Variants in CDK17 observed in about 807,000 individuals in gnomAD.
CDK17 encodes cyclin dependent kinase 17.
Under a neutral mutation model 77.6 loss-of-function variants are expected in CDK17, and 24 were observed. That is an observed-to-expected ratio of 0.31 (90% confidence interval 0.22 to 0.44). The LOEUF (loss-of-function observed/expected upper bound fraction) is 0.44. Among genes scored for constraint, CDK17 ranks in the 20% least tolerant of loss-of-function variants. CDK17 has a pLI of 1.00. For synonymous variants in CDK17, 203 were observed against 210.4 expected, an observed-to-expected ratio of 0.96 and a Z score of 0.30; for missense variants, 429 against 622.5, an observed-to-expected ratio of 0.69 and a Z score of 3.31.
In CDK17 at chr12:96,295,032, T is replaced by G. The variant is rs376874963; in HGVS notation, c.964A>C (p.Asn322His). ...RDLKPQNLLI[N>H]EKGELKLADF... Reference sequence around the variant, plus strand: ...GCTAGCTTTAATTCTCCTTTCTCATTAATGAGGAGGTTCTGTGGTTTCAAG... The same window carrying G: ...GCTAGCTTTAATTCTCCTTTCTCATGAATGAGGAGGTTCTGTGGTTTCAAG... The change falls in exon 10 of 17, where the codon AAT becomes CAT. Residue 322 changes from asparagine (N) to histidine (H), a missense_variant. Transcript: ENST00000261211. The G allele has an allele frequency of 6.2e-7, 1 of 1,612,622 alleles. No homozygotes were observed. The highest frequency in any genetic ancestry group is 8.5e-7 in the Non-Finnish European group (1 of 1,179,190).
chr12:96,345,559 G>T (rs1433457725), intron 1 of CDK17, among the ~76,000 whole-genome samples: 1 of 152,064 alleles, frequency 6.6e-6, no homozygotes, highest in Non-Finnish European at 1.5e-5. Context: ...ATTTTGATTT[G>T]CATTTATCTT....
chr12:96,313,597 A>T (rs906363335), intron 3 of CDK17, 143 bp from the exon 4 acceptor site: 5 of 437,328 alleles, frequency 1.1e-5, no homozygotes, highest in African/African-American at 1.0e-4. Context: ...ACAGGTATGC[A>T]GTTAATAGAT....
chr12:96,311,246 T>A, intron 4 of CDK17, 69 bp from the exon 5 acceptor site: 2 of 1,262,434 alleles, frequency 1.6e-6, no homozygotes, highest in Non-Finnish European at 2.1e-6. Flanking sequence ...TCACAGGCTC[T>A]AACATATTAT....
At chr12:96,283,570 C>T in intron 14 of CDK17, 33 bp downstream of exon 14, 1 of 1,382,260 alleles carries the variant, frequency 7.2e-7, no homozygotes, top group Non-Finnish European at 1.0e-6. Context: ...GGCTTAACAA[C>T]CTATTTAACA....
At chr12:96,364,308 T>C (rs1045858739) in intron 1 of CDK17, among the ~76,000 whole-genome samples, 15 of 152,190 alleles carry the variant, frequency 9.9e-5, no homozygotes, top group African/African-American at 3.6e-4. Flanking sequence ...ATGGCAGATG[T>C]ATGTTTAACT....
In CDK17 at chr12:96,337,772, A is replaced by T. The variant is rs1592737231; in HGVS notation, c.-29-2907T>A. Among the ~76,000 whole-genome samples, 4 of 152,080 alleles carry T rather than the reference A, an allele frequency of 2.6e-5. No homozygotes were observed. The East Asian group carries it at 7.7e-4, about 29-fold the overall frequency. ...CTCATCTACCCTTTGTTTCTGTAAGACTTTACACTACTTTACACTAGAGAC... is the reference window on the plus strand; with the variant it reads ...CTCATCTACCCTTTGTTTCTGTAAGTCTTTACACTACTTTACACTAGAGAC... On this transcript the variant is annotated intron_variant, in intron 1 of 16. Transcript: ENST00000261211.
At chr12:96,347,364 A>G (rs533961343) in intron 1 of CDK17, among the ~76,000 whole-genome samples, 3 of 151,456 alleles carry the variant, frequency 2.0e-5, no homozygotes, top group Admixed American at 6.6e-5. Flanking sequence ...AGGAGTTTCA[A>G]ACCAGCCTGG....
chr12:96,334,315 T>C (rs1592734889), intron 2 of CDK17, among the ~76,000 whole-genome samples: 1 of 152,356 alleles, frequency 6.6e-6, no homozygotes, highest in East Asian at 1.9e-4. Context: ...TGAAACATTA[T>C]GAAACTGATG....
At chr12:96,327,654 C>T (rs1011603556) in intron 2 of CDK17, among the ~76,000 whole-genome samples, 1 of 151,814 alleles carries the variant, frequency 6.6e-6, no homozygotes, top group African/African-American at 2.4e-5. Context: ...CTCATGTGGT[C>T]CTCCCACTTC....
chr12:96,381,928 G>C (rs7135170), intron 1 of CDK17, among the ~76,000 whole-genome samples: 1 of 151,938 alleles, frequency 6.6e-6, no homozygotes, highest in Non-Finnish European at 1.5e-5. Context: ...TCAAAGAAAT[G>C]CAAATATAAT....
chr12:96,299,695 A>G (rs1308218962), intron 6 of CDK17, among the ~76,000 whole-genome samples: 1 of 152,174 alleles, frequency 6.6e-6, no homozygotes, highest in South Asian at 2.1e-4. Context: ...GGCAATCATA[A>G]AAATTTTACC....
chr12:96,299,579 C>T (rs965161479), intron 6 of CDK17, among the ~76,000 whole-genome samples: 8 of 151,962 alleles, frequency 5.3e-5, no homozygotes, highest in Non-Finnish European at 7.4e-5. Context: ...TCAGTACAGA[C>T]GGGGTTTCAC....
chr12:96,394,540 T>G (rs75362303), intron 1 of CDK17, among the ~76,000 whole-genome samples: 7,449 of 152,058 alleles, frequency 0.049, 248 homozygotes, highest in Non-Finnish European at 0.061. Flanking sequence ...GAAGCACGGG[T>G]ACGGTGTCTC....
intron 1 of CDK17, among the ~76,000 whole-genome samples, chr12:96,381,550 G>A (rs922512156): frequency 3.0e-4 from 45 of 151,920 alleles, no homozygotes; most frequent in African/African-American, 9.4e-4. Flanking sequence ...AGGATCATCC[G>A]CAATTTTCCT....
At chr12:96,355,028 T>C (rs1159817436) in intron 1 of CDK17, among the ~76,000 whole-genome samples, 1 of 152,104 alleles carries the variant, frequency 6.6e-6, no homozygotes, top group Non-Finnish European at 1.5e-5. Flanking sequence ...ATCACTCTTC[T>C]TCAAAACCCT....
rs191176759 is a variant in CDK17 at position 96,299,619 on chromosome 12, G to C, written c.601-636C>G. On this transcript the variant is annotated intron_variant, in intron 6 of 16. Transcript: ENST00000261211. ...TTGGCCAGGCTGGTCTCGAACTCCT[G>C]ACCTCGTGATTCACCCGCCTTGGCC... 2.0e-5 allele frequency among the ~76,000 whole-genome samples: 3 copies of C among 152,234 alleles called. No homozygotes were observed. The East Asian group carries it at 5.8e-4, about 29-fold the overall frequency.
At chr12:96,316,198 C>G (rs549440588) in intron 3 of CDK17, among the ~76,000 whole-genome samples, 4 of 152,192 alleles carry the variant, frequency 2.6e-5, no homozygotes, top group African/African-American at 9.6e-5. Context: ...GGGTGACGGA[C>G]GCACCTGGAA....
In CDK17 at chr12:96,311,196, T is replaced by C. The variant is rs756437536; in HGVS notation, c.418-19A>G. 4 of 1,493,460 alleles carry C rather than the reference T, an allele frequency of 2.7e-6. No homozygotes were observed. The highest frequency in any genetic ancestry group is 2.6e-5 in the South Asian group (2 of 75,894). The allele number at this position is 1,493,460 out of a possible 1,614,324, so 92.5% of individuals were successfully genotyped here. On this transcript the variant is annotated intron_variant, in intron 4 of 16. Coordinates refer to ENST00000261211, the MANE Select transcript of CDK17 (RefSeq NM_002595.5). ...TTAAATCCTTAAAAAAAAAAAAAGG[T>C]AATCCAAAATAGTAAAGGCAAGGCA...
At chr12:96,303,352 T>C (rs1455772742) in intron 5 of CDK17, 1 of 152,186 alleles carries the variant, frequency 6.6e-6, no homozygotes, top group Non-Finnish European at 1.5e-5. Flanking sequence ...ATAAGCTTTA[T>C]AATGTGTATG....
Sources: allele counts gnomAD v4.1 joint callset (sites outside exome capture counted in the v4.1 genomes callset), GRCh38; gene constraint gnomAD v4.1.1; transcripts MANE v1.5; gene names NCBI Gene and HGNC (gene_info 2026-07-23, HGNC 2026-07-21).